The following C2CD5 variants were observed in gnomAD, a reference collection of about 807,000 sequenced individuals.
The protein encoded by C2CD5 is C2 calcium dependent domain containing 5.
A neutral mutation model predicts 130.3 loss-of-function variants in C2CD5; 109 were observed. That is an observed-to-expected ratio of 0.84 (90% CI 0.72 to 0.98). The LOEUF is 0.98. Ranked by LOEUF, C2CD5 falls within the 50% of genes least tolerant of loss-of-function variation. The probability of loss-of-function intolerance (pLI) is 0.00; values close to 1 mark genes in which losing one functional copy is unlikely to be tolerated. For missense variants in C2CD5, 996 were observed against 1,261.8 expected (o/e 0.79, Z 3.19); for synonymous variants, 454 against 429.2 (o/e 1.06, Z -0.71).
intron 9 of C2CD5, among the ~76,000 whole-genome samples, chr12:22,512,937 TA>T (rs1949349401): frequency 6.6e-6 from 1 of 152,042 alleles, no homozygotes; most frequent in African/African-American, 2.4e-5. Flanking sequence ...TCTAAGGAAT[TA>T]TTTTTAATAT....
Position 22,471,469 on chromosome 12 carries a change from C to A in C2CD5, c.2288G>T (p.Arg763Leu). 9 of 1,595,282 alleles carry A rather than the reference C, an allele frequency of 5.6e-6. No individual in the cohort carries two copies. Among genetic ancestry groups the A allele is most frequent in the Non-Finnish European group, 7.7e-6 (9 of 1,165,020 alleles). ...GCAAAGGCAGCAGGGGATCATAGATCGTAGTTTAAAGTACAGGCTCTACAC... is the reference window on the plus strand; with the variant it reads ...GCAAAGGCAGCAGGGGATCATAGATAGTAGTTTAAAGTACAGGCTCTACAC... Reference protein sequence around the residue: ...NLLKSLYFKLRSMIPCCLCHV... With the variant: ...NLLKSLYFKLLSMIPCCLCHV... Residue 763 changes from arginine to leucine, a missense_variant, in exon 20 of 27, where the codon CGA becomes CTA. Physicochemically the swap from Arg to Leu is moderately radical, Grantham distance 102. Around this residue, in one of 9 missense-constraint regions of C2CD5, gnomAD observed 590 missense variants for 631.4 expected, o/e 0.93. Coordinates refer to ENST00000446597, the MANE Select transcript of C2CD5 (RefSeq NM_001286176.2).
chr12:22,476,455 C>T (rs891602424), intron 15 of C2CD5, among the ~76,000 whole-genome samples: 1 of 151,998 alleles, frequency 6.6e-6, no homozygotes, highest in Non-Finnish European at 1.5e-5. Context: ...TACAGTCATC[C>T]TCAACACATG....
intron 14 of C2CD5, among the ~76,000 whole-genome samples, chr12:22,479,196 C>G (rs1217826144): frequency 1.3e-5 from 2 of 151,786 alleles, no homozygotes; most frequent in Non-Finnish European, 2.9e-5. Context: ...GCCTCAGCCT[C>G]CTGAGTAGCT....
intron 16 of C2CD5, among the ~76,000 whole-genome samples, chr12:22,473,831 T>C (rs1433709601): frequency 1.3e-5 from 2 of 152,160 alleles, no homozygotes; most frequent in Non-Finnish European, 2.9e-5. Flanking sequence ...TTGCTGTAAA[T>C]AGTACCCTGG....
intron 12 of C2CD5, among the ~76,000 whole-genome samples, chr12:22,485,912 A>AT (rs773547134): frequency 8.8e-6 from 1 of 114,194 alleles, no homozygotes; most frequent in Non-Finnish European, 2.3e-5. Flanking sequence ...ACATTCTCCA[A>AT]ATTTTTTTTT....
At position 22,513,371 on chromosome 12, in the gene C2CD5, T is replaced by C; in HGVS notation, c.961A>G (p.Ser321Gly). The C allele has an allele frequency of 6.2e-7, 1 of 1,607,226 alleles. No individual in the cohort carries two copies. Residue 321 changes from serine to glycine, a missense_variant, in exon 9 of 27, where the codon AGT becomes GGT. Ser to Gly is a moderately conservative substitution (Grantham distance 56). Around this residue, in one of 9 missense-constraint regions of C2CD5, gnomAD observed 156 missense variants for 165.9 expected, o/e 0.94. Transcript: ENST00000446597. ...CCCCCTTCTTTTCCAGCACTACCAC[T>C]TCCCATTCCTACAGAACATCAGTAC... ...LSLTPKTGMG[S>G]GSAGKEGGPF...
At chr12:22,471,678 C>A (rs541892513) in intron 19 of C2CD5, among the ~76,000 whole-genome samples, 190 bp from the exon 20 acceptor site, 3 of 151,514 alleles carry the variant, frequency 2.0e-5, no homozygotes, top group South Asian at 2.1e-4. Flanking sequence ...AAGATTTAAT[C>A]GTCAATAAGT....
Position 22,479,288 on chromosome 12 carries a change from G to C in C2CD5, c.1738-811C>G, listed in dbSNP as rs551289379. Among the ~76,000 whole-genome samples the C allele has an allele frequency of 7.8e-4, 119 of 152,004 alleles. 1 individual carries two copies. Among genetic ancestry groups the C allele is most frequent in the African/African-American group, 2.7e-3 (112 of 41,452 alleles). On this transcript the variant is annotated intron_variant, in intron 14 of 26. Transcript: ENST00000446597. Reference sequence around the variant, plus strand: ...GGGTTTTCATCATGTTGGCCAGGCTGGTCTCCAACTCCTGACCTCAATTGA... The same window carrying C: ...GGGTTTTCATCATGTTGGCCAGGCTCGTCTCCAACTCCTGACCTCAATTGA...
chr12:22,536,330 ACTAC>A (rs113974914), intron 2 of C2CD5, among the ~76,000 whole-genome samples: 8 of 152,328 alleles, frequency 5.3e-5, no homozygotes, highest in African/African-American at 1.9e-4. Flanking sequence ...CATGCATAAT[ACTAC>A]CTATTTTAAA....
At chr12:22,517,788 T>C (rs1035258582) in intron 8 of C2CD5, among the ~76,000 whole-genome samples, 198 bp downstream of exon 8, 8 of 152,180 alleles carry the variant, frequency 5.3e-5, no homozygotes, top group Admixed American at 3.3e-4. Flanking sequence ...ATTAAATCAA[T>C]GAAATGTAAA....
Position 22,514,531 on chromosome 12 carries a change from CAACA to C in C2CD5, c.953-1156_953-1153del, listed in dbSNP as rs530908247. Among the ~76,000 whole-genome samples the C allele has an allele frequency of 4.6e-3, 703 of 151,750 alleles. 5 individuals are homozygous for C. Among genetic ancestry groups the C allele is most frequent in the Non-Finnish European group, 7.9e-3 (533 of 67,880 alleles). ...GAGCAGAAAAATTTAATAATTAATG[CAACA>C]GACAGAAAAAAAGATAATAAAAGAA... On this transcript the variant is annotated intron_variant, in intron 8 of 26. Transcript: ENST00000446597.
chr12:22,496,334 T>C (rs965377763), intron 10 of C2CD5, among the ~76,000 whole-genome samples: 7 of 152,016 alleles, frequency 4.6e-5, no homozygotes, highest in African/African-American at 1.4e-4. Context: ...TGTTTTCCTA[T>C]AAGAAACACA....
intron 9 of C2CD5, 115 bp downstream of exon 9, chr12:22,513,179 C>A: frequency 1.5e-6 from 1 of 665,302 alleles, no homozygotes; most frequent in Non-Finnish European, 2.6e-6. Context: ...TTCAAAACTG[C>A]AATATTATAG....
At chr12:22,525,838 G>A (rs925453302) in intron 4 of C2CD5, 133 bp from the exon 5 acceptor site, 7 of 623,188 alleles carry the variant, frequency 1.1e-5, no homozygotes, top group African/African-American at 3.7e-5. Flanking sequence ...ACTTTACCAT[G>A]GTGCAAAACC....
chr12:22,472,924 T>C (rs1250727253), intron 16 of C2CD5, 117 bp from the exon 17 acceptor site: 2 of 649,174 alleles, frequency 3.1e-6, no homozygotes, highest in African/African-American at 1.9e-5. Context: ...AGTAAAAATA[T>C]GTAACAAGAA....
chr12:22,455,550 T>C (rs1939661575), intron 25 of C2CD5, among the ~76,000 whole-genome samples: 1 of 152,346 alleles, frequency 6.6e-6, no homozygotes, highest in South Asian at 2.1e-4. Context: ...TGCCAGCTTT[T>C]CGCACCAAAT....
intron 12 of C2CD5, among the ~76,000 whole-genome samples, chr12:22,486,979 T>C (rs931364841): frequency 5.9e-5 from 9 of 152,216 alleles, no homozygotes; most frequent in African/African-American, 2.2e-4. Flanking sequence ...TAATAAATGC[T>C]GCTGGGAAAA....
At chr12:22,531,186 G>T (rs1951237385) in intron 3 of C2CD5, among the ~76,000 whole-genome samples, 1 of 152,090 alleles carries the variant, frequency 6.6e-6, no homozygotes, top group Admixed American at 6.5e-5. Context: ...CCTTAATAAT[G>T]TAGTTTAAAA....
intron 22 of C2CD5, among the ~76,000 whole-genome samples, chr12:22,464,334 T>C (rs1168963236): frequency 2.2e-4 from 34 of 152,200 alleles, no homozygotes; most frequent in Non-Finnish European, 2.9e-5. Flanking sequence ...TCTTACATTT[T>C]CCTGCTTCCA....
Sources: allele counts gnomAD v4.1 joint callset (sites outside exome capture counted in the v4.1 genomes callset), GRCh38; gene constraint gnomAD v4.1.1; regional missense constraint gnomAD v4.1.1; transcripts MANE v1.5; gene names NCBI Gene and HGNC (gene_info 2026-07-23, HGNC 2026-07-21).